Variants in AXIN2 observed in about 807,000 individuals in gnomAD.
The protein encoded by AXIN2 is axin-2.
AXIN2 carries 21 observed loss-of-function variants against 74.7 expected under a neutral mutation model. The observed-to-expected ratio is 0.28, with a 90% CI of 0.20 to 0.40. AXIN2 has a LOEUF of 0.40. Among genes scored for constraint, AXIN2 ranks in the 10% least tolerant of loss-of-function variants. The probability of loss-of-function intolerance (pLI) is 1.00; values close to 1 mark genes in which losing one functional copy is unlikely to be tolerated. For missense variants in AXIN2, 1,144 were observed against 1,111.1 expected, an observed-to-expected ratio of 1.03 and a Z score of -0.42; for synonymous variants, 532 against 454.9, an observed-to-expected ratio of 1.17 and a Z score of -2.16.
intron 3 of AXIN2, among the ~76,000 whole-genome samples, chr17:65,548,822 G>A (rs191792214): frequency 1.2e-4 from 19 of 152,216 alleles, no homozygotes; most frequent in Non-Finnish European, 1.9e-4. Flanking sequence ...TGACCTCATC[G>A]GACCACGCCA....
At chr17:65,551,898 G>C (rs934100845) in intron 2 of AXIN2, among the ~76,000 whole-genome samples, 2 of 152,208 alleles carry the variant, frequency 1.3e-5, no homozygotes, top group African/African-American at 4.8e-5. Flanking sequence ...TGTAGGCATA[G>C]AACTGACCAG....
chr17:65,537,551 G>A lies in AXIN2; in HGVS notation c.1485C>T (p.Gly495=), dbSNP rs770556906. ...CTTTGCCCCCGAGGAGGGGGCAGGC[G>A]CCCGGCGAGGCGGCCGCGGGAGGCA... ...GKLPPAAASP[G]ACPLLGGKGF... is the part of the protein sequence containing the mutation. Residue 495 remains glycine (G), a synonymous_variant, in exon 6 of 11, where the codon GGC becomes GGT. Coordinates refer to ENST00000307078, the MANE Select transcript of AXIN2 (RefSeq NM_004655.4). 24 of 1,612,254 alleles carry A rather than the reference G, an allele frequency of 1.5e-5. No homozygotes were observed. Among genetic ancestry groups the A allele is most frequent in the Middle Eastern group, 3.4e-4 (2 of 5,920 alleles).
intron 5 of AXIN2, 33 bp downstream of exon 5, chr17:65,538,155 GCGCTCACGCCGTGGA>G (rs1567757150): frequency 1.9e-6 from 3 of 1,613,476 alleles, no homozygotes; most frequent in South Asian, 2.2e-5. Flanking sequence ...ACACATACGA[GCGCTCACGCCGTGGA>G]CGGAAGCAGG....
chr17:65,540,719 ACC>A (rs963785245), intron 4 of AXIN2, among the ~76,000 whole-genome samples: 2 of 150,848 alleles, frequency 1.3e-5, no homozygotes, highest in African/African-American at 4.9e-5. Flanking sequence ...ATTGCCCACC[ACC>A]CCCCCAACCT....
At chr17:65,561,152 C>T (rs2044366967) in intron 1 of AXIN2, 1 of 150,074 alleles carries the variant, frequency 6.7e-6, no homozygotes, top group African/African-American at 2.4e-5. Context: ...ACCAAATGTC[C>T]TCCGGGCGCT....
rs2043937008 is a variant in AXIN2 at position 65,537,040 on chromosome 17, G to T, written c.1736C>A (p.Pro579His). ...QFGGSRGSTL[P>H]KRNGKGTEPG... ...CTCCGTGCCTTTCCCATTGCGTTTGGGCAAGGTACTGCCTCTGCTGCCGCT... is the reference window on the plus strand; with the variant it reads ...CTCCGTGCCTTTCCCATTGCGTTTGTGCAAGGTACTGCCTCTGCTGCCGCT... The change falls in exon 7 of 11, where the codon CCC (proline) becomes CAC (histidine). Residue 579 changes from proline to histidine, a missense_variant. This residue lies in a region of AXIN2 where 1,053 missense variants were observed against 973.5 expected (regional missense o/e 1.08). Transcript: ENST00000307078. 2.5e-6 allele frequency: 4 copies of T among 1,607,944 alleles called. No individual in the cohort carries two copies. In the African/African-American group the frequency reaches 4.0e-5, roughly 16 times the overall value.
intron 10 of AXIN2, among the ~76,000 whole-genome samples, chr17:65,531,793 C>T (rs1478669726): frequency 6.6e-6 from 1 of 152,156 alleles, no homozygotes; most frequent in Non-Finnish European, 1.5e-5. Context: ...CTTCTGACAT[C>T]TGGCACCAAC....
chr17:65,555,647 A>G (rs59648516), intron 2 of AXIN2, among the ~76,000 whole-genome samples: 5,373 of 152,260 alleles, frequency 0.035, 246 homozygotes, highest in East Asian at 0.15. Context: ...TGACACAGAC[A>G]GAAGGAATGG....
At chr17:65,545,154 T>A (rs1461245571) in intron 3 of AXIN2, among the ~76,000 whole-genome samples, 1 of 152,224 alleles carries the variant, frequency 6.6e-6, no homozygotes, top group African/African-American at 2.4e-5. Context: ...TAGCTGATCC[T>A]GATTACAAGA....
chr17:65,531,952 G>A (rs964938544), intron 10 of AXIN2, among the ~76,000 whole-genome samples: 3 of 151,854 alleles, frequency 2.0e-5, no homozygotes, highest in African/African-American at 7.3e-5. Context: ...AAGGGGGGAT[G>A]TATTTGTACA....
intron 10 of AXIN2, among the ~76,000 whole-genome samples, chr17:65,532,486 G>C (rs1361161120): frequency 6.6e-6 from 1 of 152,198 alleles, no homozygotes; most frequent in Non-Finnish European, 1.5e-5. Flanking sequence ...AATTGTCTCT[G>C]CCCAGGTATA....
intron 1 of AXIN2, 122 bp downstream of exon 1, chr17:65,561,328 T>A (rs1260913271): frequency 2.4e-5 from 1 of 42,320 alleles, no homozygotes; most frequent in African/African-American, 9.4e-5. Flanking sequence ...AGGCCCGGCC[T>A]CCGCCTGGCC....
chr17:65,554,156 T>G (rs952403405), intron 2 of AXIN2, among the ~76,000 whole-genome samples: 1 of 152,066 alleles, frequency 6.6e-6, no homozygotes, highest in African/African-American at 2.4e-5. Context: ...GCCCTGCCCC[T>G]CCCCATAAAC....
chr17:65,544,710 A>C (rs1054527371), intron 3 of AXIN2, among the ~76,000 whole-genome samples: 7 of 152,116 alleles, frequency 4.6e-5, no homozygotes, highest in Non-Finnish European at 1.0e-4. Context: ...TAAACATTTT[A>C]GTTAACGAGC....
intron 3 of AXIN2, among the ~76,000 whole-genome samples, chr17:65,549,202 C>T (rs1396303395): frequency 6.6e-6 from 1 of 152,184 alleles, no homozygotes; most frequent in African/African-American, 2.4e-5. Context: ...CAGATGATGA[C>T]AACCAGAAGA....
chr17:65,543,763 C>T (rs2144510970), intron 3 of AXIN2, among the ~76,000 whole-genome samples: 3 of 152,286 alleles, frequency 2.0e-5, no homozygotes, highest in Non-Finnish European at 4.4e-5. Flanking sequence ...TCCTAAGCCC[C>T]ACGCAGTCAC....
At chr17:65,557,356 G>A (rs2144579759) in intron 2 of AXIN2, among the ~76,000 whole-genome samples, 1 of 152,092 alleles carries the variant, frequency 6.6e-6, no homozygotes, top group Non-Finnish European at 1.5e-5. Context: ...CCCCTCAATG[G>A]GTGCACATAT....
chr17:65,536,972 C>T lies in AXIN2; in HGVS notation c.1804G>A (p.Gly602Arg), dbSNP rs1203434475. Reference sequence around the variant, plus strand: ...CGGGGAAGCTGCAGGGCCCCAGCTCCGCCGGGGGCCCCTCCTTCCCTGGCG... The same window carrying T: ...CGGGGAAGCTGCAGGGCCCCAGCTCTGCCGGGGGCCCCTCCTTCCCTGGCG... ...LPAREGGAPG[G>R]AGALQLPREE... Residue 602 changes from glycine (G) to arginine (R), a missense_variant, in exon 7 of 11, where the codon GGA becomes AGA. Transcript: ENST00000307078. The T allele has an allele frequency of 1.9e-6, 3 of 1,613,008 alleles. No individual in the cohort carries two copies. The highest frequency in any genetic ancestry group is 1.3e-5 in the African/African-American group (1 of 75,018).
At position 65,528,913 on chromosome 17, in the gene AXIN2, G is replaced by A. The variant is rs2043771390; in HGVS notation, c.*1063C>T. On this transcript the variant is annotated 3_prime_UTR_variant, in exon 11 of 11. Coordinates refer to ENST00000307078, the MANE Select transcript of AXIN2 (RefSeq NM_004655.4). ...CACTATATACAGATGTATAGTACAA[G>A]TAACAATGGCAAACAGAATGTACAG... 2 of 312,600 alleles carry A rather than the reference G, an allele frequency of 6.4e-6. No homozygotes were observed. Among genetic ancestry groups the A allele is most frequent in the Admixed American group, 5.0e-5 (1 of 20,092 alleles). The allele number at this position is 312,600 out of a possible 1,614,324, so 19.4% of individuals were successfully genotyped here.
Sources: gnomAD v4.1 joint callset for allele counts (sites outside exome capture counted in the v4.1 genomes callset) on GRCh38, gnomAD v4.1.1 for gene constraint, gnomAD v4.1.1 regional missense constraint, MANE v1.5 for transcripts, NCBI Gene and HGNC (gene_info 2026-07-23, HGNC 2026-07-21) for gene names.